The following MAP1A variants were observed in gnomAD, a reference collection of about 807,000 sequenced individuals.
MAP1A encodes microtubule associated protein 1A.
In MAP1A, 42 loss-of-function variants were observed where a neutral mutation model predicts 185.9. The observed-to-expected ratio is 0.23, with a 90% CI of 0.18 to 0.29. The LOEUF (loss-of-function observed/expected upper bound fraction) is 0.29, where lower values mean the gene tolerates loss of function less well. Ranked by LOEUF, MAP1A falls within the 10% of genes least tolerant of loss-of-function variation. The probability of loss-of-function intolerance (pLI) is 1.00; values close to 1 mark genes in which losing one functional copy is unlikely to be tolerated. For synonymous variants in MAP1A, 1,229 were observed against 1,335.9 expected (o/e 0.92, Z 1.74); for missense variants, 2,995 against 3,450.4 (o/e 0.87, Z 3.31).
At position 43,520,729 on chromosome 15, in the gene MAP1A, G is replaced by A. The variant is rs1380415768; in HGVS notation, c.-292+6G>A. 6.5e-7 allele frequency: 1 copy of A among 1,545,224 alleles called. No homozygotes were observed. Among genetic ancestry groups the A allele is most frequent in the Non-Finnish European group, 8.8e-7 (1 of 1,142,204 alleles). Reference sequence around the variant, plus strand: ...CAGACAGCATCAGCTCTGAGGTAAGGCCAGGGCCTGTGCCTTGCCAAACAG... The same window carrying A: ...CAGACAGCATCAGCTCTGAGGTAAGACCAGGGCCTGTGCCTTGCCAAACAG... On this transcript the variant is annotated splice_donor_region_variant and intron_variant, in intron 2 of 5. Coordinates refer to ENST00000300231, the MANE Select transcript of MAP1A (RefSeq NM_002373.6).
rs752371666 is a variant in MAP1A at position 43,529,315 on chromosome 15, G to T, written c.7842G>T (p.Lys2614Asn). The change falls in exon 4 of 6, where the codon AAG becomes AAT. Residue 2614 changes from lysine to asparagine, a missense_variant. Physicochemically the swap from Lys to Asn is moderately conservative, Grantham distance 94 (BLOSUM62 0). Transcript: ENST00000300231. The surrounding 1 kb of genome is among the most constrained non-coding windows in gnomAD (Gnocchi z 4.3). ...RVGRRAPGKAKPASPARRLDL... is the reference protein window; with the variant it reads ...RVGRRAPGKANPASPARRLDL... ...GGCGCAGGGCCCCAGGCAAGGCCAAGCCAGCGTCCCCTGCACGGCGTCTGG... is the reference window on the plus strand; with the variant it reads ...GGCGCAGGGCCCCAGGCAAGGCCAATCCAGCGTCCCCTGCACGGCGTCTGG... 6.2e-7 allele frequency: 1 copy of T among 1,613,918 alleles called. No homozygotes were observed.
chr15:43,523,770 C>A lies in MAP1A; in HGVS notation c.2297C>A (p.Pro766His). ...HDEPEERPAP[P>H]RFHTSTYDLP... ...GAGCCGGAGGAGCGCCCAGCTCCAC[C>A]CAGATTTCATACAAGTACATATGAC... Residue 766 changes from proline to histidine, a missense_variant, in exon 4 of 6, where the codon CCC becomes CAC. Physicochemically the swap from Pro to His is moderately conservative, Grantham distance 77 (BLOSUM62 -2). Transcript: ENST00000300231. 1 of 1,614,042 alleles carries A rather than the reference C, an allele frequency of 6.2e-7. No individual in the cohort carries two copies. The highest frequency in any genetic ancestry group is 8.5e-7 in the Non-Finnish European group (1 of 1,180,002).
At position 43,528,839 on chromosome 15, in the gene MAP1A, C is replaced by T. The variant is rs778664356; in HGVS notation, c.7366C>T (p.Pro2456Ser). The change falls in exon 4 of 6, where the codon CCT becomes TCT. Residue 2456 changes from proline to serine, a missense_variant. Physicochemically the swap from Pro to Ser is moderately conservative, Grantham distance 74. Coordinates refer to ENST00000300231, the MANE Select transcript of MAP1A (RefSeq NM_002373.6). Reference protein sequence around the residue: ...GELSPSFLNPPLPPSIDDRDL... With the variant: ...GELSPSFLNPSLPPSIDDRDL... ...GCTCTCCCCATCCTTCCTGAACCCA[C>T]CTCTGCCCCCATCCATAGATGATAG... 1.2e-6 allele frequency: 2 copies of T among 1,613,500 alleles called. No individual in the cohort carries two copies. The highest frequency in any genetic ancestry group is 1.1e-5 in the South Asian group (1 of 91,056).
intron 2 of MAP1A, 95 bp downstream of exon 2, chr15:43,520,818 C>T (rs1260495259): frequency 1.4e-5 from 19 of 1,317,252 alleles, no homozygotes; most frequent in African/African-American, 2.9e-5. Context: ...GAATTCCTCT[C>T]TCTGCCATCT....
At position 43,524,961 on chromosome 15, in the gene MAP1A, C is replaced by G. The variant is rs199678078; in HGVS notation, c.3488C>G (p.Thr1163Ser). Reference protein sequence around the residue: ...LSVLSVPSPDTANQEPTPKSP... With the variant: ...LSVLSVPSPDSANQEPTPKSP... Reference sequence around the variant, plus strand: ...GTCCTCAGCGTGCCCTCCCCAGACACTGCCAACCAAGAGCCTACCCCCAAG... The same window carrying G: ...GTCCTCAGCGTGCCCTCCCCAGACAGTGCCAACCAAGAGCCTACCCCCAAG... The change falls in exon 4 of 6, where the codon ACT becomes AGT. Residue 1163 changes from threonine to serine, a missense_variant. Physicochemically the swap from Thr to Ser is moderately conservative, Grantham distance 58. This residue lies in a region of MAP1A where 2,728 missense variants were observed against 2,986.0 expected (regional missense o/e 0.91). Transcript: ENST00000300231. The G allele has an allele frequency of 1.9e-6, 3 of 1,614,174 alleles. No homozygotes were observed. Among genetic ancestry groups the G allele is most frequent in the Non-Finnish European group, 1.7e-6 (2 of 1,180,032 alleles).
chr15:43,521,182 T>C lies in MAP1A; in HGVS notation c.-151+70T>C. ...GCTGTGGGAGGGATCTAAGGGAAAG[T>C]CTCATATTGCATGACCATGGGGGGC... On this transcript the variant is annotated intron_variant, in intron 3 of 5. Coordinates refer to ENST00000300231, the MANE Select transcript of MAP1A (RefSeq NM_002373.6). This position sits in a 1 kb window ranked among gnomAD's most constrained non-coding sequence, Gnocchi z 4.6. 6.0e-6 allele frequency: 9 copies of C among 1,495,238 alleles called. No individual in the cohort carries two copies. Among genetic ancestry groups the C allele is most frequent in the Non-Finnish European group, 8.0e-6 (9 of 1,125,292 alleles). The allele number at this position is 1,495,238 out of a possible 1,614,324, so 92.6% of individuals were successfully genotyped here.
chr15:43,528,064 T>G lies in MAP1A; in HGVS notation c.6591T>G (p.Ser2197=). The change falls in exon 4 of 6, where the codon TCT becomes TCG. Residue 2197 remains serine, a synonymous_variant. Transcript: ENST00000300231. ...RSAPCGSLAF[S]GDRALALAPG... ...CACCCTGTGGCTCCCTTGCCTTCTC[T>G]GGGGATCGAGCTCTGGCTCTGGCTC... 1 of 1,614,008 alleles carries G rather than the reference T, an allele frequency of 6.2e-7. No homozygotes were observed. Among genetic ancestry groups the G allele is most frequent in the Non-Finnish European group, 8.5e-7 (1 of 1,180,016 alleles).
Position 43,531,271 on chromosome 15 carries a change from G to C in MAP1A, c.*1047G>C, listed in dbSNP as rs1470366149. On this transcript the variant is annotated 3_prime_UTR_variant, in exon 6 of 6. Coordinates refer to ENST00000300231, the MANE Select transcript of MAP1A (RefSeq NM_002373.6). ...CAGAGGACTTGGGGAAAATGAGATG[G>C]AGGAAGGAAAAAGGGAGAAGCTGAG... 6.6e-6 allele frequency: 1 copy of C among 152,660 alleles called. No homozygotes were observed. Among genetic ancestry groups the C allele is most frequent in the Non-Finnish European group, 1.5e-5 (1 of 68,098 alleles). The allele number at this position is 152,660 out of a possible 1,614,324, so 9.5% of individuals were successfully genotyped here. A position where few individuals can be genotyped will look rare whatever the true frequency, so the allele number is the denominator to read the frequency against.
chr15:43,520,503 A>T, intron 1 of MAP1A, 138 bp from the exon 2 acceptor site: 1 of 666,358 alleles, frequency 1.5e-6, no homozygotes, highest in Non-Finnish European at 2.7e-6. Flanking sequence ...GACCTTACTC[A>T]GCAGTATCCA....
At position 43,524,202 on chromosome 15, in the gene MAP1A, C is replaced by T; in HGVS notation, c.2729C>T (p.Pro910Leu). The T allele has an allele frequency of 6.2e-7, 1 of 1,614,226 alleles. No individual in the cohort carries two copies. The highest frequency in any genetic ancestry group is 8.5e-7 in the Non-Finnish European group (1 of 1,180,052). Residue 910 changes from proline to leucine, a missense_variant, in exon 4 of 6, where the codon CCA (proline) becomes CTA (leucine). By Grantham distance (98) the Pro-to-Leu change is moderately conservative (BLOSUM62 -3). This residue lies in a region of MAP1A where 2,728 missense variants were observed against 2,986.0 expected (regional missense o/e 0.91). Transcript: ENST00000300231. ...GAAGAAGACAAGGGCTTCAAATCAC[C>T]ACCCTGTGAGGACTTCTCTGTGACT... Reference protein sequence around the residue: ...SLEEDKGFKSPPCEDFSVTGE... With the variant: ...SLEEDKGFKSLPCEDFSVTGE...
Position 43,525,837 on chromosome 15 carries a change from A to C in MAP1A, c.4364A>C (p.Lys1455Thr). The change falls in exon 4 of 6, where the codon AAA (lysine) becomes ACA (threonine). Residue 1455 changes from lysine to threonine, a missense_variant. By Grantham distance (78) the Lys-to-Thr change is moderately conservative (BLOSUM62 -1). Around this residue, in one of 3 missense-constraint regions of MAP1A, gnomAD observed 2,728 missense variants for 2,986.0 expected, o/e 0.91. Transcript: ENST00000300231. ...QKDKIPEEKD[K>T]ALEQKDTALE... ...GATAAGATTCCAGAAGAGAAAGACA[A>C]AGCCTTAGAACAAAAGGATACAGCC... 6.3e-7 allele frequency: 1 copy of C among 1,579,856 alleles called. No individual in the cohort carries two copies. The highest frequency in any genetic ancestry group is 1.2e-5 in the South Asian group (1 of 85,540).
chr15:43,524,673 C>T lies in MAP1A; in HGVS notation c.3200C>T (p.Pro1067Leu). 1 of 1,614,110 alleles carries T rather than the reference C, an allele frequency of 6.2e-7. No individual in the cohort carries two copies. The highest frequency in any genetic ancestry group is 1.6e-4 in the Middle Eastern group (1 of 6,062). Reference sequence around the variant, plus strand: ...GAGAAGGAAGAGAAAGTTCCTCCTCCCAGGAGCCCCCAGGCCCAGGAAGCA... The same window carrying T: ...GAGAAGGAAGAGAAAGTTCCTCCTCTCAGGAGCCCCCAGGCCCAGGAAGCA... ...TLEKEEKVPP[P>L]RSPQAQEAPV... is the part of the protein sequence containing the mutation. The change falls in exon 4 of 6, where the codon CCC becomes CTC. Residue 1067 changes from proline (P) to leucine (L), a missense_variant. By Grantham distance (98) the Pro-to-Leu change is moderately conservative. Transcript: ENST00000300231.
Position 43,522,390 on chromosome 15 carries a change from C to T in MAP1A, c.917C>T (p.Thr306Ile), listed in dbSNP as rs576946901. 1 of 1,614,154 alleles carries T rather than the reference C, an allele frequency of 6.2e-7. No individual in the cohort carries two copies. Among genetic ancestry groups the T allele is most frequent in the Admixed American group, 1.7e-5 (1 of 60,010 alleles). Residue 306 changes from threonine to isoleucine, a missense_variant, in exon 4 of 6, where the codon ACC becomes ATC. Transcript: ENST00000300231. The surrounding 1 kb of genome is among the most constrained non-coding windows in gnomAD (Gnocchi z 5.9). ...GACCTGGCTTCTGGGGCTGTGCCTA[C>T]CAACCTCAAGCCCAGCAAAATCAAA... The part of the protein sequence containing the change: ...QKDLASGAVP[T>I]NLKPSKIKQR...
At position 43,528,686 on chromosome 15, in the gene MAP1A, A is replaced by C; in HGVS notation, c.7213A>C (p.Thr2405Pro). 4 of 1,613,770 alleles carry C rather than the reference A, an allele frequency of 2.5e-6. No individual in the cohort carries two copies. Among genetic ancestry groups the C allele is most frequent in the Non-Finnish European group, 3.4e-6 (4 of 1,179,990 alleles). ...EGAERSSRPD[T>P]LLSPEQPVCP... ...AGCTGAGAGGAGCTCCCGGCCTGAC[A>C]CATTGCTCTCCCCTGAGCAGCCAGT... The change falls in exon 4 of 6, where the codon ACA (threonine) becomes CCA (proline). Residue 2405 changes from threonine (T) to proline (P), a missense_variant. This residue lies in a region of MAP1A where 2,728 missense variants were observed against 2,986.0 expected (regional missense o/e 0.91). Transcript: ENST00000300231.
In MAP1A at chr15:43,529,363, C is replaced by T; in HGVS notation, c.7890C>T (p.Pro2630=). The T allele has an allele frequency of 1.2e-6, 2 of 1,614,004 alleles. No homozygotes were observed. The highest frequency in any genetic ancestry group is 8.5e-7 in the Non-Finnish European group (1 of 1,180,030). The change falls in exon 4 of 6, where the codon CCC becomes CCT. Residue 2630 remains proline, a synonymous_variant. Transcript: ENST00000300231. This position sits in a 1 kb window ranked among gnomAD's most constrained non-coding sequence, Gnocchi z 4.3. The part of the protein sequence containing the change: ...RRLDLRGKRS[P]TPGKGPADRA... ...TGGATCTTCGGGGAAAACGCTCACCCACCCCTGGTAAAGGGCCTGCAGATC... is the reference window on the plus strand; with the variant it reads ...TGGATCTTCGGGGAAAACGCTCACCTACCCCTGGTAAAGGGCCTGCAGATC...
Position 43,522,084 on chromosome 15 carries a change from A to G in MAP1A, c.611A>G (p.Asn204Ser), listed in dbSNP as rs2079321548. 1 of 1,614,202 alleles carries G rather than the reference A, an allele frequency of 6.2e-7. No individual in the cohort carries two copies. The highest frequency in any genetic ancestry group is 8.5e-7 in the Non-Finnish European group (1 of 1,180,032). Residue 204 changes from asparagine (N) to serine (S), a missense_variant, in exon 4 of 6, where the codon AAC (asparagine) becomes AGC (serine). By Grantham distance (46) the Asn-to-Ser change is conservative (BLOSUM62 1). Transcript: ENST00000300231. This position sits in a 1 kb window ranked among gnomAD's most constrained non-coding sequence, Gnocchi z 5.9. ...GVGRLDMYVL[N>S]PVKDSKEMQF... ...GGCCGGCTGGACATGTATGTCCTCA[A>G]CCCTGTCAAGGACAGCAAGGAGATG...
At position 43,528,914 on chromosome 15, in the gene MAP1A, C is replaced by A. The variant is rs753741942; in HGVS notation, c.7441C>A (p.Arg2481=). The change falls in exon 4 of 6, where the codon CGG becomes AGG. Residue 2481 remains arginine (R), a synonymous_variant. Transcript: ENST00000300231. The part of the protein sequence containing the change: ...VRLVGRGGRR[R]VGGPGTTGGP... ...GCTAGTAGGAAGAGGGGGGCGGCGC[C>A]GGGTAGGGGGGCCAGGGACCACTGG... 4.3e-6 allele frequency: 7 copies of A among 1,612,854 alleles called. No individual in the cohort carries two copies. The East Asian group carries it at 1.6e-4, about 36-fold the overall frequency.
In MAP1A at chr15:43,524,187, A is replaced by G. The variant is rs202170343; in HGVS notation, c.2714A>G (p.Lys905Arg). 67 of 1,614,184 alleles carry G rather than the reference A, an allele frequency of 4.2e-5. No homozygotes were observed. The South Asian group carries it at 5.7e-4, about 14-fold the overall frequency. ...ISPTSSLEEDKGFKSPPCEDF... is the reference protein window; with the variant it reads ...ISPTSSLEEDRGFKSPPCEDF... ...CCCACCTCCTCACTGGAAGAAGACA[A>G]GGGCTTCAAATCACCACCCTGTGAG... The change falls in exon 4 of 6, where the codon AAG becomes AGG. Residue 905 changes from lysine to arginine, a missense_variant. Lys to Arg is a conservative substitution (Grantham distance 26). This residue lies in a region of MAP1A where 2,728 missense variants were observed against 2,986.0 expected (regional missense o/e 0.91). Coordinates refer to ENST00000300231, the MANE Select transcript of MAP1A (RefSeq NM_002373.6).
At position 43,528,906 on chromosome 15, in the gene MAP1A, G is replaced by C; in HGVS notation, c.7433G>C (p.Gly2478Ala). Residue 2478 changes from glycine to alanine, a missense_variant, in exon 4 of 6, where the codon GGG becomes GCG. Gly to Ala is a moderately conservative substitution (Grantham distance 60, BLOSUM62 0). This residue lies in a region of MAP1A where 2,728 missense variants were observed against 2,986.0 expected (regional missense o/e 0.91). Coordinates refer to ENST00000300231, the MANE Select transcript of MAP1A (RefSeq NM_002373.6). ...GAAGTTCGGCTAGTAGGAAGAGGGG[G>C]GCGGCGCCGGGTAGGGGGGCCAGGG... ...TEEVRLVGRG[G>A]RRRVGGPGTT... 1 of 1,613,090 alleles carries C rather than the reference G, an allele frequency of 6.2e-7. No individual in the cohort carries two copies. Among genetic ancestry groups the C allele is most frequent in the Non-Finnish European group, 8.5e-7 (1 of 1,179,954 alleles).
Sources: allele counts gnomAD v4.1 joint callset, GRCh38; gene constraint gnomAD v4.1.1; regional missense constraint gnomAD v4.1.1; non-coding constraint Gnocchi (gnomAD v3.1); transcripts MANE v1.5; gene names NCBI Gene and HGNC (gene_info 2026-07-23, HGNC 2026-07-21).